The following CSMD3 variants were observed in gnomAD, a reference collection of about 807,000 sequenced individuals.
The protein encoded by CSMD3 is CUB and Sushi multiple domains 3, also known as CUB and sushi domain-containing protein 3.
CSMD3 carries 177 observed loss-of-function variants against 435.2 expected under a neutral mutation model. The ratio of observed to expected loss-of-function variants is 0.41; its 90% CI spans 0.36 to 0.46. The LOEUF is 0.46. Among genes scored for constraint, CSMD3 ranks in the 20% least tolerant of loss-of-function variants. CSMD3 has a pLI of 0.34. For synonymous variants in CSMD3, 1,656 were observed against 1,520.5 expected (o/e 1.09, Z -2.07); for missense variants, 4,265 against 4,504.6 (o/e 0.95, Z 1.52).
intron 23 of CSMD3, among the ~76,000 whole-genome samples, chr8:112,583,342 T>C (rs199600455): frequency 7.1e-5 from 2 of 27,992 alleles, no homozygotes; most frequent in African/African-American, 5.4e-4. Flanking sequence ...GTGGAAATAG[T>C]TGAGAGATCA....
chr8:112,262,787 T>C (rs1452079395), intron 61 of CSMD3, among the ~76,000 whole-genome samples: 1 of 152,038 alleles, frequency 6.6e-6, no homozygotes, highest in Non-Finnish European at 1.5e-5. Flanking sequence ...TAGTAAGATA[T>C]GATGAAATCA....
intron 13 of CSMD3, among the ~76,000 whole-genome samples, chr8:112,695,581 T>G (rs2076233982): frequency 6.6e-6 from 1 of 152,160 alleles, no homozygotes; most frequent in African/African-American, 2.4e-5. Context: ...GGGACGTATC[T>G]AAAAATAATA....
intron 53 of CSMD3, among the ~76,000 whole-genome samples, chr8:112,300,778 G>T (rs1011514699): frequency 6.6e-6 from 1 of 151,998 alleles, no homozygotes; most frequent in Non-Finnish European, 1.5e-5. Context: ...GGAGAAAAAA[G>T]ACATTTTAAC....
At position 113,045,024 on chromosome 8, in the gene CSMD3, CACA is replaced by C. The variant is rs1264836182; in HGVS notation, c.918-25848_918-25846del. Reference sequence around the variant, plus strand: ...TGAAATGTGTGTTTCATCTTGATCCCACAACACTTTATATTGCCTCTATTTTAT... The same window carrying C: ...TGAAATGTGTGTTTCATCTTGATCCCACACTTTATATTGCCTCTATTTTAT... On this transcript the variant is annotated intron_variant, in intron 5 of 70. Coordinates refer to ENST00000297405, the MANE Select transcript of CSMD3 (RefSeq NM_198123.2). Among the ~76,000 whole-genome samples, 4 of 148,908 alleles carry C rather than the reference CACA, an allele frequency of 2.7e-5. 1 individual carries two copies. Among genetic ancestry groups the C allele is most frequent in the Non-Finnish European group, 6.0e-5 (4 of 66,166 alleles).
intron 2 of CSMD3, among the ~76,000 whole-genome samples, chr8:113,292,666 C>T (rs1312341729): frequency 6.6e-6 from 1 of 151,714 alleles, no homozygotes; most frequent in Non-Finnish European, 1.5e-5. Flanking sequence ...TTTGAGGTAA[C>T]ATATGAGATG....
rs925147414 is a variant in CSMD3, at chr8:113,425,000, A to G, written c.178+11677T>C. Among the ~76,000 whole-genome samples the G allele has an allele frequency of 2.0e-5, 3 of 151,688 alleles. No individual in the cohort carries two copies. The East Asian group carries it at 5.8e-4, about 29-fold the overall frequency. ...TACACAGAAAGCCTGCTTCAAATAG[A>G]TGATGACTTCCTGTAGGATAGGCAC... On this transcript the variant is annotated intron_variant, in intron 1 of 70. Coordinates refer to ENST00000297405, the MANE Select transcript of CSMD3 (RefSeq NM_198123.2).
intron 27 of CSMD3, among the ~76,000 whole-genome samples, chr8:112,545,311 G>T (rs926868416): frequency 6.6e-6 from 1 of 151,270 alleles, no homozygotes; most frequent in African/African-American, 2.4e-5. Flanking sequence ...GTGAAACCCC[G>T]TCTCTACTAA....
intron 13 of CSMD3, among the ~76,000 whole-genome samples, chr8:112,739,434 A>G (rs10505194): frequency 0.041 from 6,295 of 151,830 alleles, 367 homozygotes; most frequent in East Asian, 0.26. Context: ...TCAGTTTGCC[A>G]TTATTTCCAC....
At chr8:112,574,018 C>G (rs368803982) in intron 23 of CSMD3, among the ~76,000 whole-genome samples, 6 of 152,030 alleles carry the variant, frequency 3.9e-5, no homozygotes, top group African/African-American at 1.4e-4. Context: ...TTCTCTGCAA[C>G]TTTCTCAAGA....
intron 22 of CSMD3, among the ~76,000 whole-genome samples, chr8:112,632,683 GC>G (rs2074548224): frequency 6.6e-6 from 1 of 151,948 alleles, no homozygotes; most frequent in Admixed American, 6.6e-5. Context: ...TAAAAAGATA[GC>G]AACGTAAATG....
intron 22 of CSMD3, among the ~76,000 whole-genome samples, chr8:112,620,647 C>T (rs2131512799): frequency 6.6e-6 from 1 of 152,276 alleles, no homozygotes; most frequent in Middle Eastern, 3.4e-3. Context: ...CACCAACAGA[C>T]TTCCCGAGGC....
rs2081047304 is a variant in CSMD3 at position 112,868,538 on chromosome 8, T to G, written c.1634-9272A>C. Reference sequence around the variant, plus strand: ...TTAAGATGTGACAATGGCTACAATGTCACTAGGTGATATAAATTTTTCGGC... The same window carrying G: ...TTAAGATGTGACAATGGCTACAATGGCACTAGGTGATATAAATTTTTCGGC... On this transcript the variant is annotated intron_variant, in intron 10 of 70. Transcript: ENST00000297405. Among the ~76,000 whole-genome samples, 4 of 152,156 alleles carry G rather than the reference T, an allele frequency of 2.6e-5. No individual in the cohort carries two copies. The South Asian group carries it at 8.3e-4, about 31-fold the overall frequency.
intron 3 of CSMD3, among the ~76,000 whole-genome samples, chr8:113,250,839 T>G (rs2093328379): frequency 6.6e-6 from 1 of 152,064 alleles, no homozygotes; most frequent in African/African-American, 2.4e-5. Flanking sequence ...GCTCACAGCG[T>G]CACAGCAGAA....
intron 10 of CSMD3, among the ~76,000 whole-genome samples, chr8:112,920,705 T>C (rs966186683): frequency 6.6e-6 from 1 of 151,910 alleles, no homozygotes; most frequent in Non-Finnish European, 1.5e-5. Context: ...GAATTACTTA[T>C]TAAAACTCAA....
chr8:113,261,582 G>A (rs1024351812), intron 3 of CSMD3, among the ~76,000 whole-genome samples: 1 of 152,066 alleles, frequency 6.6e-6, no homozygotes, highest in Non-Finnish European at 1.5e-5. Context: ...TGTGTGATAA[G>A]TGTCACTTCT....
At chr8:113,020,573 G>A (rs367924272) in intron 5 of CSMD3, among the ~76,000 whole-genome samples, 2 of 152,260 alleles carry the variant, frequency 1.3e-5, no homozygotes, top group Admixed American at 6.5e-5. Flanking sequence ...ACATAGTTAG[G>A]AAGAGTTTCA....
At position 112,681,693 on chromosome 8, in the gene CSMD3, G is replaced by A. The variant is rs186426546; in HGVS notation, c.2677+749C>T. On this transcript the variant is annotated intron_variant, in intron 16 of 70. Coordinates refer to ENST00000297405, the MANE Select transcript of CSMD3 (RefSeq NM_198123.2). ...CCAGCCTGGCCAACATGGAAAAACC[G>A]TGTCTCTACTAAAAATACAAAAAAT... 2.5e-3 allele frequency among the ~76,000 whole-genome samples: 377 copies of A among 151,780 alleles called. 5 individuals carry two copies. The highest frequency in any genetic ancestry group is 7.8e-4 in the East Asian group (4 of 5,114).
At chr8:112,494,496 TTTCTTTCTTTCTTTCTTTC>T (rs1563615136) in intron 30 of CSMD3, among the ~76,000 whole-genome samples, 3,739 of 91,988 alleles carry the variant, frequency 0.041, 343 homozygotes, top group Non-Finnish European at 0.048. Context: ...CTTTCTCTCC[TTTCTTTCTTTCTTTCTTTC>T]TTTCTTTCTT....
chr8:112,976,026 C>T lies in CSMD3; in HGVS notation c.1153G>A (p.Val385Ile), dbSNP rs2130934116. 1 of 1,614,032 alleles carries T rather than the reference C, an allele frequency of 6.2e-7. No individual in the cohort carries two copies. The highest frequency in any genetic ancestry group is 8.5e-7 in the Non-Finnish European group (1 of 1,179,960). ...ADVTVSSVTA[V>I]TIHRLSEEQR... The stretch of plus-strand genomic sequence containing the variant: ...TCCTCGGAAAGTCTATGGATGGTGA[C>T]AGCTGTAACACTGGATACAGTAACA... The change falls in exon 7 of 71, where the codon GTC (valine) becomes ATC (isoleucine). Residue 385 changes from valine (V) to isoleucine (I), a missense_variant. Val to Ile is a conservative substitution (Grantham distance 29). Coordinates refer to ENST00000297405, the MANE Select transcript of CSMD3 (RefSeq NM_198123.2).
Sources: gnomAD v4.1 joint callset for allele counts (sites outside exome capture counted in the v4.1 genomes callset) on GRCh38, gnomAD v4.1.1 for gene constraint, MANE v1.5 for transcripts, NCBI Gene and HGNC (gene_info 2026-07-23, HGNC 2026-07-21) for gene names.